Variants in AKAP6 observed in about 807,000 individuals in gnomAD.
The protein encoded by AKAP6 is A-kinase anchor protein 6.
A neutral mutation model predicts 188.5 loss-of-function variants in AKAP6; 58 were observed. The observed-to-expected ratio is 0.31, with a 90% CI of 0.25 to 0.38. The LOEUF (loss-of-function observed/expected upper bound fraction) is 0.38. Among genes scored for constraint, AKAP6 ranks in the 10% least tolerant of loss-of-function variants. The pLI is 1.00. For missense variants in AKAP6, 2,710 were observed against 2,740.0 expected, an observed-to-expected ratio of 0.99 and a Z score of 0.24; for synonymous variants, 989 against 998.6, an observed-to-expected ratio of 0.99 and a Z score of 0.18.
intron 5 of AKAP6, among the ~76,000 whole-genome samples, chr14:32,582,776 C>T (rs1191987061): frequency 3.9e-5 from 6 of 152,100 alleles, no homozygotes; most frequent in African/African-American, 9.6e-5. Context: ...TCCAGTTGAT[C>T]GCATCAGCTC....
At chr14:32,349,678 G>A (rs1033791070) in intron 1 of AKAP6, among the ~76,000 whole-genome samples, 5 of 152,106 alleles carry the variant, frequency 3.3e-5, no homozygotes, top group African/African-American at 9.7e-5. Flanking sequence ...GGAAGTGCTC[G>A]ATATACACTA....
intron 8 of AKAP6, among the ~76,000 whole-genome samples, chr14:32,683,817 G>A (rs1889796296): frequency 6.6e-6 from 1 of 152,168 alleles, no homozygotes; most frequent in African/African-American, 2.4e-5. Flanking sequence ...GATTGGTTAG[G>A]CCTAGGCTAG....
At chr14:32,608,261 T>C (rs112974127) in intron 7 of AKAP6, among the ~76,000 whole-genome samples, 2,169 of 152,048 alleles carry the variant, frequency 0.014, 45 homozygotes, top group African/African-American at 0.047. Context: ...AATCCCAGCA[T>C]TTTGGGAGGC....
rs571959471 is a variant in AKAP6 at position 32,820,433 on chromosome 14, G to A, written c.3589-969G>A. 3.3e-5 allele frequency among the ~76,000 whole-genome samples: 5 copies of A among 152,152 alleles called. No individual in the cohort carries two copies. In the East Asian group the frequency reaches 9.7e-4, roughly 30 times the overall value. ...CAAGCTCTATCTAAACAGAGGCAGA[G>A]CCAAGAAGTCCAAGGAAACATCAAG... On this transcript the variant is annotated intron_variant, in intron 12 of 13. Coordinates refer to ENST00000280979, the MANE Select transcript of AKAP6 (RefSeq NM_004274.5).
intron 2 of AKAP6, among the ~76,000 whole-genome samples, chr14:32,482,189 C>G (rs1046179644): frequency 6.6e-6 from 1 of 152,194 alleles, no homozygotes. Context: ...AGGAAGACAA[C>G]CTGTGACATT....
At chr14:32,356,638 A>G (rs749975963) in intron 1 of AKAP6, among the ~76,000 whole-genome samples, 3 of 152,082 alleles carry the variant, frequency 2.0e-5, no homozygotes, top group Non-Finnish European at 4.4e-5. Context: ...AGTTCATTGT[A>G]TGTCATAAAA....
At chr14:32,343,298 A>G (rs989713991) in intron 1 of AKAP6, among the ~76,000 whole-genome samples, 5 of 151,996 alleles carry the variant, frequency 3.3e-5, no homozygotes, top group African/African-American at 1.2e-4. Context: ...AGGATACAGG[A>G]GGTGCTCTGG....
chr14:32,759,982 A>T (rs913048453), intron 11 of AKAP6, among the ~76,000 whole-genome samples: 1 of 152,216 alleles, frequency 6.6e-6, no homozygotes, highest in Non-Finnish European at 1.5e-5. Context: ...AAACTTTATC[A>T]AAGCAACAAT....
chr14:32,735,619 T>TTTC (rs771369699), intron 10 of AKAP6, 39 bp from the exon 11 acceptor site: 4 of 1,434,830 alleles, frequency 2.8e-6, no homozygotes, highest in Non-Finnish European at 3.8e-6. Context: ...TTTTTTTGTT[T>TTTC]GTTTGTTTTA....
intron 13 of AKAP6, among the ~76,000 whole-genome samples, chr14:32,826,927 G>A (rs375018159): frequency 6.6e-5 from 10 of 151,968 alleles, no homozygotes; most frequent in African/African-American, 1.9e-4. Context: ...AACTCACATC[G>A]CCCCCAAGTG....
intron 2 of AKAP6, among the ~76,000 whole-genome samples, chr14:32,455,521 T>C (rs1341940819): frequency 6.6e-6 from 1 of 152,236 alleles, no homozygotes; most frequent in African/African-American, 2.4e-5. Flanking sequence ...GATAGTGTGA[T>C]GATTTGGATG....
intron 3 of AKAP6, among the ~76,000 whole-genome samples, chr14:32,539,616 G>A (rs956713133): frequency 1.3e-5 from 2 of 152,128 alleles, no homozygotes; most frequent in African/African-American, 4.8e-5. Flanking sequence ...TAATCATGAA[G>A]ATTAATTGTT....
intron 1 of AKAP6, among the ~76,000 whole-genome samples, chr14:32,338,123 A>G (rs1474057728): frequency 2.6e-5 from 4 of 152,122 alleles, no homozygotes. Context: ...TTTAGTTAAT[A>G]TCATTTGGTT....
chr14:32,809,564 T>TA, intron 12 of AKAP6, among the ~76,000 whole-genome samples: 1 of 152,294 alleles, frequency 6.6e-6, no homozygotes. Flanking sequence ...CTGGGTTTTA[T>TA]GGGTACACTG....
rs71115063 is a variant in AKAP6 at position 32,348,417 on chromosome 14, CTTTTTTT to C, written c.-35+19021_-35+19027del. ...TGGGGTTCTTTCTTTTCTTTTGTTT[CTTTTTTT>C]TTTTTTTTTTTAAGAGTTTTGCTCT... On this transcript the variant is annotated intron_variant, in intron 1 of 13. Coordinates refer to ENST00000280979, the MANE Select transcript of AKAP6 (RefSeq NM_004274.5). Among the ~76,000 whole-genome samples, 3 of 126,164 alleles carry C rather than the reference CTTTTTTT, an allele frequency of 2.4e-5. No individual in the cohort carries two copies. In the East Asian group the frequency reaches 6.8e-4, roughly 29 times the overall value. The allele number at this position is 126,164 out of a possible 152,430, so 82.8% of individuals were successfully genotyped here.
At chr14:32,712,430 T>C (rs1406242370) in intron 9 of AKAP6, among the ~76,000 whole-genome samples, 1 of 152,036 alleles carries the variant, frequency 6.6e-6, no homozygotes, top group Non-Finnish European at 1.5e-5. Context: ...GTTTGCCACA[T>C]TAATTGGCTC....
At chr14:32,759,919 C>T (rs1264959020) in intron 11 of AKAP6, among the ~76,000 whole-genome samples, 1 of 152,202 alleles carries the variant, frequency 6.6e-6, no homozygotes, top group Non-Finnish European at 1.5e-5. Context: ...GCTGTCCAAA[C>T]TATGTCACAT....
intron 2 of AKAP6, among the ~76,000 whole-genome samples, chr14:32,436,475 C>T (rs1039946580): frequency 1.2e-4 from 19 of 152,304 alleles, no homozygotes; most frequent in African/African-American, 4.6e-4. Context: ...GAATCCATCT[C>T]CAAAATATGC....
Position 32,591,774 on chromosome 14 carries a change from C to T in AKAP6, c.2470-7636C>T, listed in dbSNP as rs1037296932. On this transcript the variant is annotated intron_variant, in intron 5 of 13. Coordinates refer to ENST00000280979, the MANE Select transcript of AKAP6 (RefSeq NM_004274.5). Reference sequence around the variant, plus strand: ...TTTTTTAAAGCTTCTGCTTTTATACCTAGAGGTGTGTTACAGATTGTCATA... The same window carrying T: ...TTTTTTAAAGCTTCTGCTTTTATACTTAGAGGTGTGTTACAGATTGTCATA... Among the ~76,000 whole-genome samples the T allele has an allele frequency of 2.0e-5, 3 of 151,776 alleles. No individual in the cohort carries two copies. In the East Asian group the frequency reaches 5.8e-4, roughly 29 times the overall value.
Sources: allele counts gnomAD v4.1 joint callset (sites outside exome capture counted in the v4.1 genomes callset), GRCh38; gene constraint gnomAD v4.1.1; transcripts MANE v1.5; gene names NCBI Gene and HGNC (gene_info 2026-07-23, HGNC 2026-07-21).